Variants in CAST observed in about 807,000 individuals in gnomAD.
CAST encodes the protein MIR583 host.
CAST carries 76 observed loss-of-function variants against 119.6 expected under a neutral mutation model. The observed-to-expected ratio is 0.64, with a 90% CI of 0.53 to 0.77. The LOEUF (loss-of-function observed/expected upper bound fraction) is 0.77, where lower values mean the gene tolerates loss of function less well. Among genes scored for constraint, CAST ranks in the 30% least tolerant of loss-of-function variants. The pLI is 0.00. For synonymous variants in CAST, 319 were observed against 331.6 expected, an observed-to-expected ratio of 0.96 and a Z score of 0.41; for missense variants, 953 against 946.5, an observed-to-expected ratio of 1.01 and a Z score of -0.09.
chr5:96,482,021 G>T, the CAST span, among the ~76,000 whole-genome samples: 20 of 152,298 alleles, frequency 1.3e-4, no homozygotes, highest in African/African-American at 4.3e-4. Flanking sequence ...CATGAGCATG[G>T]TAATGAAGGA....
At chr5:96,384,336 A>C in the CAST span, among the ~76,000 whole-genome samples, 1 of 152,348 alleles carries the variant, frequency 6.6e-6, no homozygotes, top group Non-Finnish European at 1.5e-5. Flanking sequence ...CTCTAGTGAC[A>C]AGATATAATT....
the CAST span, among the ~76,000 whole-genome samples, chr5:96,253,072 T>A: frequency 1.6e-4 from 24 of 152,266 alleles, no homozygotes; most frequent in African/African-American, 4.3e-4. Context: ...GATACTTTTT[T>A]AAAAAAATAA....
chr5:96,651,607 C>T (rs538367681), intron 1 of CAST, among the ~76,000 whole-genome samples: 1 of 152,286 alleles, frequency 6.6e-6, no homozygotes, highest in South Asian at 2.1e-4. Flanking sequence ...GTTCTAACTG[C>T]AATCTGTAAA....
chr5:96,647,429 G>T (rs1009846116), intron 1 of CAST, among the ~76,000 whole-genome samples: 1 of 151,980 alleles, frequency 6.6e-6, no homozygotes, highest in East Asian at 1.9e-4. Context: ...ATGAACCTTC[G>T]ATTATACCAC....
rs535484856 is a variant in CAST, at chr5:96,662,928, G to C, written c.75+431G>C. ...CAGAGCCTCTTCCCTAACCAGCCTC[G>C]AGCCAAATTGGGCGGGCGAGGAGGG... On this transcript the variant is annotated intron_variant, in intron 1 of 31. Coordinates refer to ENST00000675179, the MANE Select transcript of CAST (RefSeq NM_001750.7). 8.6e-4 allele frequency: 507 copies of C among 588,744 alleles called. 1 individual carries two copies. The Middle Eastern group carries it at 9.0e-3, about 10-fold the overall frequency. The allele number at this position is 588,744 out of a possible 1,614,324, so 36.5% of individuals were successfully genotyped here. A position where few individuals can be genotyped will look rare whatever the true frequency, so the allele number is the denominator to read the frequency against.
intron 1 of CAST, among the ~76,000 whole-genome samples, chr5:96,543,939 C>T (rs187626689): frequency 5.3e-5 from 8 of 152,274 alleles, no homozygotes; most frequent in Admixed American, 2.0e-4. Context: ...TTTGCCAGTA[C>T]CCAATACCAT....
At chr5:95,984,146 A>G in the CAST span, among the ~76,000 whole-genome samples, 1 of 152,192 alleles carries the variant, frequency 6.6e-6, no homozygotes, top group Non-Finnish European at 1.5e-5. Context: ...GAAAGTATTC[A>G]AGAATTATTT....
At chr5:96,368,115 CT>C in the CAST span, among the ~76,000 whole-genome samples, 1 of 151,506 alleles carries the variant, frequency 6.6e-6, no homozygotes, top group Non-Finnish European at 1.5e-5. Flanking sequence ...AATTACTTTT[CT>C]TTTTTTTCCC....
the CAST span, chr5:96,410,889 T>A: frequency 6.2e-7 from 1 of 1,613,978 alleles, no homozygotes; most frequent in African/African-American, 1.3e-5. Context: ...GGAGATGGTG[T>A]AGATGCTGTC....
chr5:96,635,738 T>C (rs1469141906), intron 1 of CAST, among the ~76,000 whole-genome samples: 2 of 152,244 alleles, frequency 1.3e-5, no homozygotes, highest in East Asian at 1.9e-4. Flanking sequence ...AACTGAGCTA[T>C]TGCCATTCAG....
chr5:96,657,614 A>G (rs903921465), upstream of CAST, among the ~76,000 whole-genome samples: 1 of 152,238 alleles, frequency 6.6e-6, no homozygotes, highest in Non-Finnish European at 1.5e-5. Context: ...TAAAAAATTA[A>G]TCTAGCTTTG....
At chr5:96,613,761 A>T (rs924905050) in intron 1 of CAST, among the ~76,000 whole-genome samples, 2 of 152,220 alleles carry the variant, frequency 1.3e-5, no homozygotes, top group African/African-American at 4.8e-5. Flanking sequence ...AGTACCTCAA[A>T]CTTTATTCTC....
At chr5:96,452,956 C>CAAAAAAAAAAAAAAAA in the CAST span, among the ~76,000 whole-genome samples, 3 of 62,718 alleles carry the variant, frequency 4.8e-5, 1 homozygote, top group African/African-American at 3.6e-4. Flanking sequence ...GACTCCGTCT[C>CAAAAAAAAAAAAAAAA]AAAAAAAAAA....
chr5:96,702,962 G>T (rs1000542460), intron 3 of CAST: 165 of 985,158 alleles, frequency 1.7e-4, no homozygotes, highest in Non-Finnish European at 1.9e-4. Flanking sequence ...GCGTGCTCCC[G>T]GGTCTAGGGC....
intron 1 of CAST, among the ~76,000 whole-genome samples, chr5:96,580,179 G>A (rs1746745486): frequency 6.6e-6 from 1 of 152,136 alleles, no homozygotes; most frequent in Non-Finnish European, 1.5e-5. Flanking sequence ...GACTAATCTG[G>A]TGCCCTACCA....
At chr5:96,177,140 T>C in the CAST span, among the ~76,000 whole-genome samples, 1 of 152,298 alleles carries the variant, frequency 6.6e-6, no homozygotes, top group East Asian at 1.9e-4. Flanking sequence ...TTATCCCTCA[T>C]TAAAAAATCT....
rs540190986 is a variant in CAST, at chr5:96,719,455, C to T, written c.211-3184C>T. ...GGATTTCAGGTGTGAGCCATTGCAC[C>T]CATCTGTACATTGCTTTTTAAATAA... On this transcript the variant is annotated intron_variant, in intron 3 of 31. Coordinates refer to ENST00000675179, the MANE Select transcript of CAST (RefSeq NM_001750.7). Among the ~76,000 whole-genome samples, 256 of 152,326 alleles carry T rather than the reference C, an allele frequency of 1.7e-3. 1 individual carries two copies. Among genetic ancestry groups the T allele is most frequent in the Middle Eastern group, 6.8e-3 (2 of 294 alleles).
upstream of CAST, among the ~76,000 whole-genome samples, chr5:96,528,159 T>C (rs369268785): frequency 1.2e-4 from 18 of 152,326 alleles, no homozygotes; most frequent in South Asian, 3.5e-3. Context: ...AATGACTTGT[T>C]AAAGTCATAC....
the CAST span, among the ~76,000 whole-genome samples, chr5:96,008,936 A>G: frequency 6.6e-6 from 1 of 152,326 alleles, no homozygotes; most frequent in East Asian, 1.9e-4. Context: ...TAGTGAGCAT[A>G]GTATCCATTA....
Sources: allele counts gnomAD v4.1 joint callset (sites outside exome capture counted in the v4.1 genomes callset), GRCh38; gene constraint gnomAD v4.1.1; transcripts MANE v1.5; gene names NCBI Gene and HGNC (gene_info 2026-07-23, HGNC 2026-07-21).